Variants in KIF16B observed in about 807,000 individuals in gnomAD.
KIF16B encodes kinesin-like protein KIF16B.
Under a neutral mutation model 156.3 loss-of-function variants are expected in KIF16B, and 98 were observed. The observed-to-expected ratio is 0.63, with a 90% CI of 0.53 to 0.74. The LOEUF (loss-of-function observed/expected upper bound fraction) is 0.74. Ranked by LOEUF, KIF16B falls within the 30% of genes least tolerant of loss-of-function variation. The pLI is 0.00. For synonymous variants in KIF16B, 564 were observed against 583.7 expected (o/e 0.97, Z 0.49); for missense variants, 1,421 against 1,606.5 (o/e 0.88, Z 1.97).
chr20:16,399,071 G>C (rs1047033584), intron 17 of KIF16B, among the ~76,000 whole-genome samples: 1 of 152,206 alleles, frequency 6.6e-6, no homozygotes, highest in Non-Finnish European at 1.5e-5. Context: ...TGTTTGAGTA[G>C]GAGGTGCCAT....
intron 25 of KIF16B, among the ~76,000 whole-genome samples, chr20:16,288,894 C>T (rs112782939): frequency 2.9e-5 from 4 of 139,856 alleles, no homozygotes; most frequent in Admixed American, 8.0e-5. Context: ...TACGTACTGG[C>T]GATGGGTTTA....
chr20:16,273,329 G>T lies in KIF16B; in HGVS notation c.3878C>A (p.Ser1293Ter), dbSNP rs760801454. ...TGAAAACTCACAAATGGTATGTTTC[G>T]AGAGAGTCAGTCCCACTTTGTTGAT... is the stretch of plus-strand genomic sequence containing the variant. ...LHINKVGLTL[S>*]KHTICEFSPF... is the part of the protein sequence containing the mutation. Residue 1293 changes from serine to a stop codon, truncating the protein, a stop_gained, in exon 26 of 26, where the codon TCG (serine) becomes TAG (stop). Coordinates refer to ENST00000354981, the MANE Select transcript of KIF16B (RefSeq NM_024704.5). LOFTEE classifies it high-confidence loss of function. 1 of 1,613,542 alleles carries T rather than the reference G, an allele frequency of 6.2e-7. No individual in the cohort carries two copies. The highest frequency in any genetic ancestry group is 8.5e-7 in the Non-Finnish European group (1 of 1,179,446).
rs141607031 is a variant in KIF16B, at chr20:16,467,948, G to T, written c.1302+26343C>A. On this transcript the variant is annotated intron_variant, in intron 12 of 25. Transcript: ENST00000354981. Reference sequence around the variant, plus strand: ...AACCATAAAAGGCAGAAAAAGTGTGGAAGACAAAAACAGAAACAAAGAACA... The same window carrying T: ...AACCATAAAAGGCAGAAAAAGTGTGTAAGACAAAAACAGAAACAAAGAACA... Among the ~76,000 whole-genome samples, 744 of 152,212 alleles carry T rather than the reference G, an allele frequency of 4.9e-3. 5 individuals carry two copies. The highest frequency in any genetic ancestry group is 0.017 in the African/African-American group (704 of 41,552).
rs779639763 is a variant in KIF16B at position 16,515,687 on chromosome 20, A to G, written c.232-23T>C. 1.8e-5 allele frequency: 23 copies of G among 1,268,000 alleles called. No individual in the cohort carries two copies. The East Asian group carries it at 5.3e-4, about 29-fold the overall frequency. The allele number at this position is 1,268,000 out of a possible 1,614,324, so 78.5% of individuals were successfully genotyped here. A position where few individuals can be genotyped will look rare whatever the true frequency, so the allele number is the denominator to read the frequency against. ...AACCTGAAAGCCAAAAAGAACACAC[A>G]AAAGATACAATTATCATAGATTTTA... On this transcript the variant is annotated intron_variant, in intron 3 of 25. Transcript: ENST00000354981.
At position 16,374,400 on chromosome 20, in the gene KIF16B, A is replaced by C. The variant is rs1205446594; in HGVS notation, c.3207T>G (p.Tyr1069Ter). The C allele has an allele frequency of 1.9e-6, 3 of 1,584,010 alleles. No homozygotes were observed. In the African/African-American group the frequency reaches 4.0e-5, roughly 21 times the overall value. ...TCTTCTGTTTCAGCTGCTGGATTTC[A>C]TATTCTAACCTACACAGATAGGAGC... ...ALEKDQERLE[Y>*]EIQQLKQKIY... is the part of the protein sequence containing the mutation. Residue 1069 changes from tyrosine (Y) to a stop codon, truncating the protein, a stop_gained, in exon 20 of 26, where the codon TAT (tyrosine) becomes TAG (stop). Transcript: ENST00000354981. LOFTEE classifies it high-confidence loss of function.
intron 1 of KIF16B, among the ~76,000 whole-genome samples, chr20:16,568,539 T>G (rs886294044): frequency 6.6e-6 from 1 of 152,112 alleles, no homozygotes; most frequent in Admixed American, 6.5e-5. Context: ...ACTGCAGCTC[T>G]TTCGTGGATC....
intron 12 of KIF16B, among the ~76,000 whole-genome samples, chr20:16,471,059 C>A (rs1385725419): frequency 6.6e-6 from 1 of 152,118 alleles, no homozygotes; most frequent in African/African-American, 2.4e-5. Context: ...GGCAAAAACA[C>A]ATTCTCAAGT....
At chr20:16,371,268 A>C (rs977648919) in intron 21 of KIF16B, among the ~76,000 whole-genome samples, 1 of 152,170 alleles carries the variant, frequency 6.6e-6, no homozygotes, top group Non-Finnish European at 1.5e-5. Context: ...CACTACCACC[A>C]AAAACTTATC....
chr20:16,552,364 G>A (rs2070700164), intron 1 of KIF16B, among the ~76,000 whole-genome samples: 1 of 152,214 alleles, frequency 6.6e-6, no homozygotes, highest in Non-Finnish European at 1.5e-5. Flanking sequence ...TCAAACTGCT[G>A]GTATCATCCC....
intron 23 of KIF16B, among the ~76,000 whole-genome samples, chr20:16,344,256 C>T (rs1322407309): frequency 6.6e-6 from 1 of 152,112 alleles, no homozygotes; most frequent in African/African-American, 2.4e-5. Context: ...TGGTACTAAG[C>T]CAGAAGTAGT....
intron 1 of KIF16B, among the ~76,000 whole-genome samples, chr20:16,554,020 G>C (rs1309187999): frequency 6.6e-6 from 1 of 152,216 alleles, no homozygotes; most frequent in Admixed American, 6.5e-5. Context: ...GGGCAGCTCA[G>C]CGCCGGCCTG....
chr20:16,429,336 G>C (rs756008297), intron 13 of KIF16B, among the ~76,000 whole-genome samples: 5 of 152,292 alleles, frequency 3.3e-5, no homozygotes, highest in Non-Finnish European at 7.4e-5. Flanking sequence ...GTTTATGTAA[G>C]TCTGCAAAAC....
intron 14 of KIF16B, 38 bp from the exon 15 acceptor site, chr20:16,427,279 C>T: frequency 6.3e-7 from 1 of 1,576,302 alleles, no homozygotes; most frequent in Middle Eastern, 1.7e-4. Context: ...ATTTTTCCCC[C>T]TTTTCTACTG....
chr20:16,530,591 C>T (rs1462106182), intron 1 of KIF16B, among the ~76,000 whole-genome samples: 1 of 152,236 alleles, frequency 6.6e-6, no homozygotes, highest in African/African-American at 2.4e-5. Flanking sequence ...AGCCGTCTGG[C>T]ACCCTGACTG....
At chr20:16,307,683 C>T (rs2063561109) in intron 25 of KIF16B, among the ~76,000 whole-genome samples, 1 of 152,094 alleles carries the variant, frequency 6.6e-6, no homozygotes, top group Admixed American at 6.5e-5. Context: ...AATTGTGCTT[C>T]TATTTTGTAT....
chr20:16,504,295 A>G (rs1382357786), intron 10 of KIF16B, 77 bp downstream of exon 10: 3 of 1,430,102 alleles, frequency 2.1e-6, no homozygotes, highest in African/African-American at 2.8e-5. Context: ...CATGAGTGAG[A>G]AAATTGTCTC....
At chr20:16,400,707 C>T (rs769078849) in intron 17 of KIF16B, among the ~76,000 whole-genome samples, 13 of 152,286 alleles carry the variant, frequency 8.5e-5, no homozygotes, top group African/African-American at 3.1e-4. Context: ...CTGACACATG[C>T]TATATGGTGG....
chr20:16,396,137 C>A (rs142957530), intron 17 of KIF16B, among the ~76,000 whole-genome samples: 2 of 152,240 alleles, frequency 1.3e-5, no homozygotes, highest in East Asian at 1.9e-4. Context: ...GGTACCCAGT[C>A]CCCAGGCTGC....
chr20:16,386,008 A>G (rs1287588687), intron 17 of KIF16B, among the ~76,000 whole-genome samples: 5 of 152,178 alleles, frequency 3.3e-5, no homozygotes, highest in African/African-American at 1.2e-4. Context: ...CAATGTTTAC[A>G]AAGGGTCATC....
Sources: allele counts gnomAD v4.1 joint callset (sites outside exome capture counted in the v4.1 genomes callset), GRCh38; gene constraint gnomAD v4.1.1; transcripts MANE v1.5; gene names NCBI Gene and HGNC (gene_info 2026-07-23, HGNC 2026-07-21).